Variants in BRINP1 observed in about 807,000 individuals in gnomAD.
BRINP1 encodes BMP/retinoic acid inducible neural specific 1.
Under a neutral mutation model 72.9 loss-of-function variants are expected in BRINP1, and 17 were observed. The observed-to-expected ratio is 0.23, with a 90% CI of 0.16 to 0.35. The LOEUF (loss-of-function observed/expected upper bound fraction) is 0.35. BRINP1 is among the 10% of genes least tolerant of loss of function. The pLI, the probability that BRINP1 is intolerant of heterozygous loss-of-function variation, is 1.00. For synonymous variants in BRINP1, 418 were observed against 378.5 expected, an observed-to-expected ratio of 1.10 and a Z score of -1.21; for missense variants, 850 against 1,001.6, an observed-to-expected ratio of 0.85 and a Z score of 2.04.
At chr9:119,315,579 T>C (rs1322550033) in intron 1 of BRINP1, among the ~76,000 whole-genome samples, 1 of 152,110 alleles carries the variant, frequency 6.6e-6, no homozygotes, top group Non-Finnish European at 1.5e-5. Context: ...TGACCTATAA[T>C]TGTTTAAGTG....
chr9:119,172,247 A>G (rs1163825965), intron 7 of BRINP1, among the ~76,000 whole-genome samples: 1 of 152,202 alleles, frequency 6.6e-6, no homozygotes, highest in Non-Finnish European at 1.5e-5. Flanking sequence ...AAGACTCATA[A>G]AGAAGAAAAG....
chr9:119,194,709 C>T lies in BRINP1; in HGVS notation c.1145+14010G>A, dbSNP rs536814951. 1.1e-3 allele frequency among the ~76,000 whole-genome samples: 168 copies of T among 152,266 alleles called. 2 individuals carry two copies. The highest frequency in any genetic ancestry group is 0.01 in the Middle Eastern group (3 of 294). On this transcript the variant is annotated intron_variant, in intron 7 of 7. Coordinates refer to ENST00000265922, the MANE Select transcript of BRINP1 (RefSeq NM_014618.3). Reference sequence around the variant, plus strand: ...GCAACAAACAGCAAGGAAACAGTAACCTCAGTCCTACAACCACAAGAAACT... The same window carrying T: ...GCAACAAACAGCAAGGAAACAGTAATCTCAGTCCTACAACCACAAGAAACT...
chr9:119,167,234 C>T lies in BRINP1; in HGVS notation c.2136G>A (p.Pro712=), dbSNP rs769295659. ...AGAACAAGTCCAGCTGGGGTTTCCC[C>T]GGGGCCACAGGAGGGGCCAGGCGAT... is the stretch of plus-strand genomic sequence containing the variant. ...RINRLAPPVA[P]GKPQLDLFSC... is the part of the protein sequence containing the mutation. Residue 712 remains proline, a synonymous_variant, in exon 8 of 8, where the codon CCG becomes CCA. Coordinates refer to ENST00000265922, the MANE Select transcript of BRINP1 (RefSeq NM_014618.3). This position sits in a 1 kb window ranked among gnomAD's most constrained non-coding sequence, Gnocchi z 4.3. The T allele has an allele frequency of 1.3e-5, 21 of 1,614,002 alleles. No individual in the cohort carries two copies. Among genetic ancestry groups the T allele is most frequent in the Admixed American group, 3.3e-5 (2 of 59,998 alleles).
At chr9:119,228,739 C>T (rs1239732657) in intron 5 of BRINP1, among the ~76,000 whole-genome samples, 3 of 151,984 alleles carry the variant, frequency 2.0e-5, no homozygotes, top group Admixed American at 1.3e-4. Context: ...CGTGATTGCG[C>T]GTGTTGGTTA....
intron 1 of BRINP1, among the ~76,000 whole-genome samples, chr9:119,334,934 T>C (rs1279879069): frequency 1.3e-5 from 2 of 152,150 alleles, no homozygotes; most frequent in African/African-American, 4.8e-5. Context: ...TACTGAAATG[T>C]TGGCTGAGCG....
At chr9:119,347,162 T>C (rs545576513) in intron 1 of BRINP1, among the ~76,000 whole-genome samples, 45 of 152,262 alleles carry the variant, frequency 3.0e-4, no homozygotes, top group African/African-American at 1.0e-3. Flanking sequence ...TTCCAAGAGA[T>C]TTTTTTACCC....
chr9:119,238,620 C>T (rs370456834), intron 5 of BRINP1, 35 bp downstream of exon 5: 13 of 1,370,266 alleles, frequency 9.5e-6, no homozygotes, highest in African/African-American at 4.3e-5. Flanking sequence ...TGATGTTTCC[C>T]CCAACTGACC....
intron 2 of BRINP1, 24 bp from the exon 3 acceptor site, chr9:119,249,174 C>T (rs1483756696): frequency 6.2e-7 from 1 of 1,602,242 alleles, no homozygotes; most frequent in South Asian, 1.1e-5. Flanking sequence ...ATGAGCAACA[C>T]TTCTCAACTT....
chr9:119,208,698 G>C, intron 7 of BRINP1, 21 bp downstream of exon 7: 6 of 1,604,884 alleles, frequency 3.7e-6, no homozygotes, highest in Non-Finnish European at 2.6e-6. Context: ...CTGCAGAGGT[G>C]GAGGTGGTGG....
chr9:119,176,600 A>G (rs1325259463), intron 7 of BRINP1, among the ~76,000 whole-genome samples: 2 of 152,310 alleles, frequency 1.3e-5, no homozygotes, highest in Non-Finnish European at 2.9e-5. Flanking sequence ...TGAGGATAAT[A>G]AAGCCCATCT....
At position 119,167,455 on chromosome 9, in the gene BRINP1, C is replaced by G. The variant is rs774608788; in HGVS notation, c.1915G>C (p.Asp639His). 6.8e-6 allele frequency: 11 copies of G among 1,614,098 alleles called. No homozygotes were observed. The highest frequency in any genetic ancestry group is 1.6e-4 in the Middle Eastern group (1 of 6,062). Residue 639 changes from aspartate (D) to histidine (H), a missense_variant, in exon 8 of 8, where the codon GAC (aspartate) becomes CAC (histidine). Physicochemically the swap from Asp to His is moderately conservative, Grantham distance 81. Coordinates refer to ENST00000265922, the MANE Select transcript of BRINP1 (RefSeq NM_014618.3). This position sits in a 1 kb window ranked among gnomAD's most constrained non-coding sequence, Gnocchi z 4.3. ...LRNETGQGPV[D>H]LSDPSKRQFY... ...TGCCTCTTGGAGGGATCCGACAGGTCCACGGGGCCCTGGCCAGTCTCATTT... is the reference window on the plus strand; with the variant it reads ...TGCCTCTTGGAGGGATCCGACAGGTGCACGGGGCCCTGGCCAGTCTCATTT...
At chr9:119,249,208 G>A in intron 2 of BRINP1, 58 bp from the exon 3 acceptor site, 1 of 1,526,078 alleles carries the variant, frequency 6.6e-7, no homozygotes, top group Non-Finnish European at 8.9e-7. Context: ...TTAAGCCAAA[G>A]TCCACCCAAC....
chr9:119,269,432 C>T (rs1382496361), intron 2 of BRINP1, among the ~76,000 whole-genome samples: 2 of 152,162 alleles, frequency 1.3e-5, no homozygotes, highest in Non-Finnish European at 2.9e-5. Flanking sequence ...TTATTCCCTC[C>T]AGTGCTTGCA....
chr9:119,232,353 T>C (rs1349542709), intron 5 of BRINP1, among the ~76,000 whole-genome samples: 1 of 152,196 alleles, frequency 6.6e-6, no homozygotes, highest in Non-Finnish European at 1.5e-5. Context: ...TCTTGCCCTC[T>C]ACAGTCTTTC....
At chr9:119,339,734 C>A (rs1390273410) in intron 1 of BRINP1, among the ~76,000 whole-genome samples, 2 of 152,172 alleles carry the variant, frequency 1.3e-5, no homozygotes, top group African/African-American at 4.8e-5. Flanking sequence ...GATTCACCCA[C>A]CGTCACACAA....
chr9:119,177,935 T>C (rs230147), intron 7 of BRINP1, among the ~76,000 whole-genome samples: 10,906 of 151,868 alleles, frequency 0.072, 1,182 homozygotes, highest in African/African-American at 0.24. Context: ...AAGCAGGTGG[T>C]GTTCACGGGG....
intron 7 of BRINP1, among the ~76,000 whole-genome samples, chr9:119,203,818 T>A (rs897815253): frequency 6.6e-6 from 1 of 152,178 alleles, no homozygotes; most frequent in African/African-American, 2.4e-5. Flanking sequence ...GTTCCCTATA[T>A]CTGATAGTCA....
At chr9:119,299,217 C>T (rs1830913746) in intron 2 of BRINP1, among the ~76,000 whole-genome samples, 1 of 152,142 alleles carries the variant, frequency 6.6e-6, no homozygotes. Flanking sequence ...TATCCTTTGA[C>T]AAACATCTTT....
Position 119,316,614 on chromosome 9 carries a change from A to G in BRINP1, c.-50-3209T>C, listed in dbSNP as rs542651700. On this transcript the variant is annotated intron_variant, in intron 1 of 7. Transcript: ENST00000265922. ...GCTAAATCTACTCTGCTTGTGATCT[A>G]AAGCCTGGATGACAGCACATTTGTT... 2.6e-5 allele frequency among the ~76,000 whole-genome samples: 4 copies of G among 152,156 alleles called. No homozygotes were observed. In the South Asian group the frequency reaches 8.3e-4, roughly 32 times the overall value.
Sources: allele counts gnomAD v4.1 joint callset (sites outside exome capture counted in the v4.1 genomes callset), GRCh38; gene constraint gnomAD v4.1.1; non-coding constraint Gnocchi (gnomAD v3.1); transcripts MANE v1.5; gene names NCBI Gene and HGNC (gene_info 2026-07-23, HGNC 2026-07-21).